The following TMEM117 variants were observed in gnomAD, a reference collection of about 807,000 sequenced individuals.
The protein encoded by TMEM117 is transmembrane protein 117.
Under a neutral mutation model 52.4 loss-of-function variants are expected in TMEM117, and 27 were observed. That is an observed-to-expected ratio of 0.51 (90% CI 0.38 to 0.71). TMEM117 has a LOEUF of 0.71. Among genes scored for constraint, TMEM117 ranks in the 30% least tolerant of loss-of-function variants. The pLI is 0.00. For missense variants in TMEM117, 556 were observed against 630.5 expected (o/e 0.88, Z 1.26); for synonymous variants, 215 against 206.3 (o/e 1.04, Z -0.36).
chr12:44,259,803 A>G (rs1183681789), intron 5 of TMEM117, among the ~76,000 whole-genome samples: 1 of 152,202 alleles, frequency 6.6e-6, no homozygotes, highest in African/African-American at 2.4e-5. Context: ...TATTTTTAAA[A>G]AGCAACAAGA....
At chr12:44,156,397 G>A (rs1186815266) in intron 4 of TMEM117, among the ~76,000 whole-genome samples, 1 of 152,032 alleles carries the variant, frequency 6.6e-6, no homozygotes, top group Non-Finnish European at 1.5e-5. Context: ...TTAGTTGGGT[G>A]CTCTAATCAG....
At chr12:43,829,964 G>A in the TMEM117 span, among the ~76,000 whole-genome samples, 6 of 151,412 alleles carry the variant, frequency 4.0e-5, no homozygotes, top group South Asian at 2.1e-4. Flanking sequence ...GGTGCGTGCC[G>A]ATAGTCCCAG....
chr12:43,962,312 C>CT (rs1945417102), intron 3 of TMEM117, among the ~76,000 whole-genome samples: 1 of 152,080 alleles, frequency 6.6e-6, no homozygotes, highest in Non-Finnish European at 1.5e-5. Context: ...TCTACTTTTT[C>CT]TTTTTTTCTG....
the TMEM117 span, among the ~76,000 whole-genome samples, chr12:43,822,901 C>T: frequency 7.1e-6 from 1 of 141,496 alleles, no homozygotes; most frequent in African/African-American, 2.6e-5. Flanking sequence ...GACCCTGTCT[C>T]GAAAAAAAAA....
chr12:44,139,126 T>C (rs560931089), intron 3 of TMEM117, among the ~76,000 whole-genome samples: 44 of 152,276 alleles, frequency 2.9e-4, no homozygotes, highest in Middle Eastern at 3.4e-3. Context: ...GAGAGACAGC[T>C]GTGACATTAT....
At chr12:43,840,823 G>A (rs564013178) in intron 1 of TMEM117, among the ~76,000 whole-genome samples, 1 of 152,324 alleles carries the variant, frequency 6.6e-6, no homozygotes, top group African/African-American at 2.4e-5. Context: ...AGGTTTTGCA[G>A]ACTATGTGCC....
At position 44,059,923 on chromosome 12, in the gene TMEM117, G is replaced by T. The variant is rs1373151728; in HGVS notation, c.411-83602G>T. On this transcript the variant is annotated intron_variant, in intron 3 of 7. Transcript: ENST00000266534. ...GGCTAAAGGATGACAGCCTAAATAAGAAGAGTATAGTGAAATAGCTTATGA... is the reference window on the plus strand; with the variant it reads ...GGCTAAAGGATGACAGCCTAAATAATAAGAGTATAGTGAAATAGCTTATGA... Among the ~76,000 whole-genome samples the T allele has an allele frequency of 2.0e-5, 3 of 152,228 alleles. No homozygotes were observed. The East Asian group carries it at 5.8e-4, about 29-fold the overall frequency.
chr12:44,177,252 T>TA (rs1381748623), intron 4 of TMEM117, among the ~76,000 whole-genome samples: 4 of 152,132 alleles, frequency 2.6e-5, no homozygotes, highest in Non-Finnish European at 5.9e-5. Flanking sequence ...TTTCACTAGA[T>TA]AAAAAAATTG....
At chr12:44,097,051 G>A (rs1466438177) in intron 3 of TMEM117, among the ~76,000 whole-genome samples, 5 of 152,104 alleles carry the variant, frequency 3.3e-5, no homozygotes, top group Admixed American at 1.3e-4. Flanking sequence ...AAAAGTGGGC[G>A]AAGCATATGA....
intron 2 of TMEM117, among the ~76,000 whole-genome samples, chr12:43,914,598 A>G (rs1414403365): frequency 6.6e-6 from 1 of 152,170 alleles, no homozygotes; most frequent in African/African-American, 2.4e-5. Context: ...GTGGGGAACA[A>G]TGGGTTACTT....
At chr12:44,086,861 G>C (rs1223707673) in intron 3 of TMEM117, among the ~76,000 whole-genome samples, 3 of 151,342 alleles carry the variant, frequency 2.0e-5, no homozygotes, top group Non-Finnish European at 4.4e-5. Flanking sequence ...CCTTGGTCTT[G>C]TTTCCATCGG....
chr12:43,893,706 A>G (rs1328222686), intron 2 of TMEM117, among the ~76,000 whole-genome samples: 1 of 152,074 alleles, frequency 6.6e-6, no homozygotes, highest in African/African-American at 2.4e-5. Flanking sequence ...TTTGAAATTA[A>G]TTTTTCTTCT....
At chr12:43,967,456 C>T (rs1161377892) in intron 3 of TMEM117, among the ~76,000 whole-genome samples, 1 of 152,132 alleles carries the variant, frequency 6.6e-6, no homozygotes, top group Non-Finnish European at 1.5e-5. Context: ...TGGCTTCTGT[C>T]TTGCATGCTC....
intron 3 of TMEM117, among the ~76,000 whole-genome samples, chr12:44,027,358 G>C (rs1025283368): frequency 1.3e-5 from 2 of 151,652 alleles, no homozygotes; most frequent in Non-Finnish European, 2.9e-5. Flanking sequence ...ATTTTTAGTA[G>C]AGATGGGGTT....
chr12:43,885,666 A>G (rs1244401821), intron 2 of TMEM117, among the ~76,000 whole-genome samples: 1 of 152,008 alleles, frequency 6.6e-6, no homozygotes, highest in East Asian at 1.9e-4. Context: ...CTTTTTGGCT[A>G]AGACCAAGTG....
chr12:44,352,953 A>T (rs997286429), intron 6 of TMEM117, among the ~76,000 whole-genome samples: 2 of 151,962 alleles, frequency 1.3e-5, no homozygotes, highest in Non-Finnish European at 2.9e-5. Flanking sequence ...CCTCTCCAGC[A>T]CCTGTTGTTT....
At chr12:43,966,400 G>T (rs1945486447) in intron 3 of TMEM117, among the ~76,000 whole-genome samples, 1 of 152,072 alleles carries the variant, frequency 6.6e-6, no homozygotes, top group African/African-American at 2.4e-5. Context: ...TTCAAATGAG[G>T]ACACCTTTGA....
intron 3 of TMEM117, among the ~76,000 whole-genome samples, chr12:44,034,956 C>G (rs1237842562): frequency 6.6e-6 from 1 of 152,150 alleles, no homozygotes; most frequent in Admixed American, 6.5e-5. Flanking sequence ...GAGGAATTTG[C>G]CCCTGTTGCT....
chr12:43,985,873 A>G (rs1945839340), intron 3 of TMEM117, among the ~76,000 whole-genome samples: 1 of 152,352 alleles, frequency 6.6e-6, no homozygotes, highest in South Asian at 2.1e-4. Context: ...AGGGGTCCAG[A>G]GGACATACTT....
Sources: allele counts gnomAD v4.1 joint callset (sites outside exome capture counted in the v4.1 genomes callset), GRCh38; gene constraint gnomAD v4.1.1; transcripts MANE v1.5; gene names NCBI Gene and HGNC (gene_info 2026-07-23, HGNC 2026-07-21).